ZNF14: variants seen among roughly 807,000 people sequenced by gnomAD.
The protein encoded by ZNF14 is zinc finger protein 14.
ZNF14 carries 9 observed loss-of-function variants against 11.3 expected under a neutral mutation model. The ratio of observed to expected loss-of-function variants is 0.80; its 90% CI spans 0.48 to 1.39. The LOEUF (loss-of-function observed/expected upper bound fraction) is 1.39. Ranked by LOEUF, ZNF14 falls within the 40% of genes most tolerant of loss-of-function variation. The pLI, the probability that ZNF14 is intolerant of heterozygous loss-of-function variation, is 0.00. For synonymous variants in ZNF14, 239 were observed against 245.7 expected, an observed-to-expected ratio of 0.97 and a Z score of 0.25; for missense variants, 711 against 763.9, an observed-to-expected ratio of 0.93 and a Z score of 0.82.
intron 1 of ZNF14, among the ~76,000 whole-genome samples, chr19:19,717,934 G>C (rs1170959741): frequency 6.6e-6 from 1 of 152,150 alleles, no homozygotes; most frequent in Non-Finnish European, 1.5e-5. Context: ...AAAGATGACA[G>C]GAGAGAGAAA....
intron 1 of ZNF14, among the ~76,000 whole-genome samples, chr19:19,716,434 G>A (rs1469940256): frequency 6.6e-6 from 1 of 152,044 alleles, no homozygotes; most frequent in Non-Finnish European, 1.5e-5. Flanking sequence ...GATTACAGAT[G>A]TGCACCACCA....
chr19:19,727,157 A>C (rs2062408674), intron 1 of ZNF14, among the ~76,000 whole-genome samples: 1 of 133,728 alleles, frequency 7.5e-6, no homozygotes, highest in South Asian at 2.4e-4. Flanking sequence ...TTGCTCATGC[A>C]GGGAGCTGTA....
intron 1 of ZNF14, among the ~76,000 whole-genome samples, chr19:19,715,525 G>C (rs1020626199): frequency 1.3e-5 from 2 of 152,198 alleles, no homozygotes; most frequent in Non-Finnish European, 2.9e-5. Flanking sequence ...TTTGTGCAGG[G>C]GGAAGTGTAT....
At position 19,720,831 on chromosome 19, in the gene ZNF14, G is replaced by C. The variant is rs928536935; in HGVS notation, c.4-6344C>G. ...CAAGATGTATATAGAAATTAACCAG[G>C]CTACTAAAAAGAGAATTGAAAACCC... On this transcript the variant is annotated intron_variant, in intron 1 of 3. Transcript: ENST00000344099. This position sits in a 1 kb window ranked among gnomAD's most constrained non-coding sequence, Gnocchi z 4.1. Among the ~76,000 whole-genome samples, 1 of 152,148 alleles carries C rather than the reference G, an allele frequency of 6.6e-6. No individual in the cohort carries two copies. The highest frequency in any genetic ancestry group is 1.5e-5 in the Non-Finnish European group (1 of 68,026).
At chr19:19,723,953 C>T (rs2062400138) in intron 1 of ZNF14, among the ~76,000 whole-genome samples, 1 of 133,314 alleles carries the variant, frequency 7.5e-6, no homozygotes, top group South Asian at 2.4e-4. Flanking sequence ...TTTATTGCAT[C>T]TATTTGATTC....
Position 19,712,303 on chromosome 19 carries a change from T to C in ZNF14, c.978A>G (p.Val326=). ...FFYSASFRAH[V]IIHTGARPYK... Reference sequence around the variant, plus strand: ...AAGGTCGAGCCCCAGTGTGTATTATTACATGTGCTCGAAAGCTTGCAGAAT... The same window carrying C: ...AAGGTCGAGCCCCAGTGTGTATTATCACATGTGCTCGAAAGCTTGCAGAAT... Residue 326 remains valine (V), a synonymous_variant, in exon 4 of 4, where the codon GTA becomes GTG. Transcript: ENST00000344099. 1 of 1,614,086 alleles carries C rather than the reference T, an allele frequency of 6.2e-7. No individual in the cohort carries two copies. The highest frequency in any genetic ancestry group is 8.5e-7 in the Non-Finnish European group (1 of 1,180,008).
intron 1 of ZNF14, among the ~76,000 whole-genome samples, chr19:19,730,784 T>C (rs1484846363): frequency 6.6e-6 from 1 of 152,132 alleles, no homozygotes; most frequent in African/African-American, 2.4e-5. Context: ...TGGTGGCGCA[T>C]GCCTGTAATC....
intron 1 of ZNF14, among the ~76,000 whole-genome samples, chr19:19,715,297 G>C (rs548064693): frequency 6.6e-6 from 1 of 152,228 alleles, no homozygotes; most frequent in Non-Finnish European, 1.5e-5. Flanking sequence ...CAGGAGGCCT[G>C]TGGAAAGCTA....
chr19:19,720,156 C>T lies in ZNF14; in HGVS notation c.4-5669G>A, dbSNP rs1012853897. Among the ~76,000 whole-genome samples, 1 of 152,144 alleles carries T rather than the reference C, an allele frequency of 6.6e-6. No homozygotes were observed. Among genetic ancestry groups the T allele is most frequent in the Non-Finnish European group, 1.5e-5 (1 of 68,024 alleles). Reference sequence around the variant, plus strand: ...GCTGGAGACTTCAATACCTGTCTATCAGCAATAGCAGATCCAGCAGGCAGA... The same window carrying T: ...GCTGGAGACTTCAATACCTGTCTATTAGCAATAGCAGATCCAGCAGGCAGA... On this transcript the variant is annotated intron_variant, in intron 1 of 3. Transcript: ENST00000344099. This position sits in a 1 kb window ranked among gnomAD's most constrained non-coding sequence, Gnocchi z 4.1.
intron 1 of ZNF14, among the ~76,000 whole-genome samples, 154 bp from the exon 2 acceptor site, chr19:19,714,641 T>G (rs2062372484): frequency 6.6e-6 from 1 of 152,160 alleles, no homozygotes; most frequent in Non-Finnish European, 1.5e-5. Context: ...CACACTGACT[T>G]CCTCATAAAA....
In ZNF14 at chr19:19,728,053, T is replaced by G. The variant is rs1424682992; in HGVS notation, c.3+4903A>C. Among the ~76,000 whole-genome samples, 3 of 123,906 alleles carry G rather than the reference T, an allele frequency of 2.4e-5. 1 individual carries two copies. The highest frequency in any genetic ancestry group is 9.1e-5 in the African/African-American group (3 of 32,894). The allele number at this position is 123,906 out of a possible 152,430, so 81.3% of individuals were successfully genotyped here. The stretch of plus-strand genomic sequence containing the variant: ...ATCGCTTGAACCTGGGATGTGGAGG[T>G]TGCAGTGAGCCAAGATCGCACCATT... On this transcript the variant is annotated intron_variant, in intron 1 of 3. Coordinates refer to ENST00000344099, the MANE Select transcript of ZNF14 (RefSeq NM_021030.3).
chr19:19,723,539 TTC>T (rs1367469999), intron 1 of ZNF14, among the ~76,000 whole-genome samples: 2 of 151,924 alleles, frequency 1.3e-5, no homozygotes, highest in Non-Finnish European at 2.9e-5. Context: ...TGGTCTAAAA[TTC>T]TCTTTTTTTT....
chr19:19,721,158 A>G (rs1229588650), intron 1 of ZNF14, among the ~76,000 whole-genome samples: 2 of 152,072 alleles, frequency 1.3e-5, no homozygotes, highest in Non-Finnish European at 2.9e-5. Flanking sequence ...GGGTTTCACC[A>G]TGTTAGTCAG....
chr19:19,732,458 A>C (rs371923110), intron 1 of ZNF14, among the ~76,000 whole-genome samples: 2 of 152,270 alleles, frequency 1.3e-5, no homozygotes, highest in South Asian at 2.1e-4. Flanking sequence ...CCCAGACTTG[A>C]GTGCTGGGAG....
intron 1 of ZNF14, among the ~76,000 whole-genome samples, chr19:19,732,713 G>A (rs1250079688): frequency 6.6e-6 from 1 of 152,256 alleles, no homozygotes; most frequent in Admixed American, 6.5e-5. Flanking sequence ...GGGGCTGCGG[G>A]CGCAGAGCTG....
Position 19,720,899 on chromosome 19 carries a change from G to GT in ZNF14, c.4-6413dup, listed in dbSNP as rs1707479892. Among the ~76,000 whole-genome samples, 1 of 152,176 alleles carries GT rather than the reference G, an allele frequency of 6.6e-6. No individual in the cohort carries two copies. Among genetic ancestry groups the GT allele is most frequent in the Non-Finnish European group, 1.5e-5 (1 of 68,024 alleles). ...TCCCAAGAAGCTCTTAACCCGGCAT[G>GT]TTTTAATTTAAATAAAAGAGAAAGC... On this transcript the variant is annotated intron_variant, in intron 1 of 3. Transcript: ENST00000344099. This position sits in a 1 kb window ranked among gnomAD's most constrained non-coding sequence, Gnocchi z 4.1.
rs1361469429 is a variant in ZNF14, at chr19:19,733,081, T to A, written c.-123A>T. 6 of 1,292,390 alleles carry A rather than the reference T, an allele frequency of 4.6e-6. No homozygotes were observed. Among genetic ancestry groups the A allele is most frequent in the Non-Finnish European group, 6.5e-6 (6 of 928,694 alleles). The allele number at this position is 1,292,390 out of a possible 1,614,324, so 80.1% of individuals were successfully genotyped here. A position where few individuals can be genotyped will look rare whatever the true frequency, so the allele number is the denominator to read the frequency against. ...TTCAGGAGCAGGTGAAACGCAATCT[T>A]CCCATGGGCCAGGAATGGCGACGTC... is the stretch of plus-strand genomic sequence containing the variant. On this transcript the variant is annotated 5_prime_UTR_variant, in exon 1 of 4. Coordinates refer to ENST00000344099, the MANE Select transcript of ZNF14 (RefSeq NM_021030.3).
chr19:19,713,871 T>C (rs1191526925), intron 3 of ZNF14, among the ~76,000 whole-genome samples: 1 of 151,670 alleles, frequency 6.6e-6, no homozygotes, highest in Non-Finnish European at 1.5e-5. Context: ...ACATGAACTA[T>C]TGTGCCTGGC....
At position 19,712,062 on chromosome 19, in the gene ZNF14, G is replaced by C; in HGVS notation, c.1219C>G (p.Arg407Gly). The C allele has an allele frequency of 1.2e-6, 2 of 1,613,754 alleles. No individual in the cohort carries two copies. Among genetic ancestry groups the C allele is most frequent in the Admixed American group, 1.7e-5 (1 of 59,984 alleles). Residue 407 changes from arginine (R) to glycine (G), a missense_variant, in exon 4 of 4, where the codon CGA becomes GGA. Physicochemically the swap from Arg to Gly is moderately radical, Grantham distance 125. Coordinates refer to ENST00000344099, the MANE Select transcript of ZNF14 (RefSeq NM_021030.3). ...HKTFSFSSSL[R>G]EHETTHTGEK... ...CCAGTGTGAGTTGTTTCGTGTTCTC[G>C]AAGGGAACTTGAAAAACTGAAGGTT...
Sources: gnomAD v4.1 joint callset for allele counts (sites outside exome capture counted in the v4.1 genomes callset) on GRCh38, gnomAD v4.1.1 for gene constraint, Gnocchi (gnomAD v3.1) non-coding constraint, MANE v1.5 for transcripts, NCBI Gene and HGNC (gene_info 2026-07-23, HGNC 2026-07-21) for gene names.